CSNK1D: variants seen among roughly 807,000 people sequenced by gnomAD.
CSNK1D encodes casein kinase I isoform delta.
A neutral mutation model predicts 46.6 loss-of-function variants in CSNK1D; 16 were observed. The observed-to-expected ratio is 0.34, with a 90% CI of 0.23 to 0.52. The LOEUF (loss-of-function observed/expected upper bound fraction) is 0.52. CSNK1D is among the 20% of genes least tolerant of loss of function. The probability of loss-of-function intolerance (pLI) is 0.95; values close to 1 mark genes in which losing one functional copy is unlikely to be tolerated. For synonymous variants in CSNK1D, 276 were observed against 228.2 expected, an observed-to-expected ratio of 1.21 and a Z score of -1.89; for missense variants, 398 against 578.4, an observed-to-expected ratio of 0.69 and a Z score of 3.20.
In CSNK1D at chr17:82,249,537, G is replaced by A. The variant is rs1310228538; in HGVS notation, c.951C>T (p.His317=). 1.9e-6 allele frequency: 3 copies of A among 1,546,696 alleles called. No homozygotes were observed. Among genetic ancestry groups the A allele is most frequent in the African/African-American group, 2.7e-5 (2 of 73,392 alleles). Reference sequence around the variant, plus strand: ...GGCCGCGGGTAGCCGGGTTCCGCGAGTGTCTCAGCCGCTCCTCTCGGTCCC... The same window carrying A: ...GGCCGCGGGTAGCCGGGTTCCGCGAATGTCTCAGCCGCTCCTCTCGGTCCC... ...ERRDREERLR[H]SRNPATRGLP... Residue 317 remains histidine (H), a synonymous_variant, in exon 7 of 9, where the codon CAC becomes CAT. Coordinates refer to ENST00000314028, the MANE Select transcript of CSNK1D (RefSeq NM_001893.6). The surrounding 1 kb of genome is among the most constrained non-coding windows in gnomAD (Gnocchi z 6.7).
chr17:82,248,633 G>A lies in CSNK1D; in HGVS notation c.1197+242C>T. ...GCCCCCACGGTTTGCTGGCCTCAGG[G>A]ACCTGAGACCTGAGACTGGCCACCT... On this transcript the variant is annotated intron_variant, in intron 8 of 8. Transcript: ENST00000314028. The surrounding 1 kb of genome is among the most constrained non-coding windows in gnomAD (Gnocchi z 4.1). The A allele has an allele frequency of 1.5e-6, 2 of 1,370,256 alleles. No homozygotes were observed. The highest frequency in any genetic ancestry group is 1.9e-6 in the Non-Finnish European group (2 of 1,058,958). 84.9% of individuals were successfully genotyped at this position (1,370,256 alleles called of 1,614,324 possible).
At position 82,249,739 on chromosome 17, in the gene CSNK1D, G is replaced by A; in HGVS notation, c.886-137C>T. On this transcript the variant is annotated intron_variant, in intron 6 of 8. Coordinates refer to ENST00000314028, the MANE Select transcript of CSNK1D (RefSeq NM_001893.6). The surrounding 1 kb of genome is among the most constrained non-coding windows in gnomAD (Gnocchi z 6.7). ...GAGACTGCCTGCAAAGCCCCCCACA[G>A]GCTGCACGTTTCTCCTCATGGGATG... 3 of 1,504,038 alleles carry A rather than the reference G, an allele frequency of 2.0e-6. No individual in the cohort carries two copies. The highest frequency in any genetic ancestry group is 2.8e-5 in the African/African-American group (2 of 72,528). The allele number at this position is 1,504,038 out of a possible 1,614,324, so 93.2% of individuals were successfully genotyped here.
At position 82,251,206 on chromosome 17, in the gene CSNK1D, T is replaced by C. The variant is rs1043589622; in HGVS notation, c.885+173A>G. 2.8e-6 allele frequency: 2 copies of C among 722,540 alleles called. No homozygotes were observed. The highest frequency in any genetic ancestry group is 4.6e-6 in the Non-Finnish European group (2 of 430,150). The allele number at this position is 722,540 out of a possible 1,614,324, so 44.8% of individuals were successfully genotyped here. On this transcript the variant is annotated intron_variant, in intron 6 of 8. Transcript: ENST00000314028. This position sits in a 1 kb window ranked among gnomAD's most constrained non-coding sequence, Gnocchi z 4.5. Reference sequence around the variant, plus strand: ...GGCGTCTTACTTCTTGGCACCCCTTTCTGGCAGGCAGACACCCACTCAGTC... The same window carrying C: ...GGCGTCTTACTTCTTGGCACCCCTTCCTGGCAGGCAGACACCCACTCAGTC...
At chr17:82,258,186 G>A (rs1599601762) in intron 2 of CSNK1D, among the ~76,000 whole-genome samples, 1 of 131,530 alleles carries the variant, frequency 7.6e-6, no homozygotes, top group Non-Finnish European at 1.5e-5. Context: ...CAGCCTGGGT[G>A]ACAGAATGAG....
chr17:82,273,393 C>A lies in CSNK1D; in HGVS notation c.-12G>T, dbSNP rs775909021. ...ACTCTCAGCTCCATGGCGGCGGCGG[C>A]CCGATTCGCTCCTGCCCTCCCGGCC... On this transcript the variant is annotated 5_prime_UTR_variant, in exon 1 of 9. Coordinates refer to ENST00000314028, the MANE Select transcript of CSNK1D (RefSeq NM_001893.6). This position sits in a 1 kb window ranked among gnomAD's most constrained non-coding sequence, Gnocchi z 5.1. 6.2e-7 allele frequency: 1 copy of A among 1,610,564 alleles called. No homozygotes were observed.
At chr17:82,254,107 C>T (rs376238114) in intron 3 of CSNK1D, 6 of 98,904 alleles carry the variant, frequency 6.1e-5, no homozygotes, top group South Asian at 9.4e-5. Flanking sequence ...AGCCTCGAGA[C>T]GCCAGTGAGC....
rs2051700727 is a variant in CSNK1D at position 82,273,607 on chromosome 17, T to C, written c.-226A>G. The C allele has an allele frequency of 1.7e-6, 1 of 576,994 alleles. No individual in the cohort carries two copies. Among genetic ancestry groups the C allele is most frequent in the South Asian group, 2.1e-5 (1 of 46,720 alleles). The allele number at this position is 576,994 out of a possible 1,614,324, so 35.7% of individuals were successfully genotyped here. On this transcript the variant is annotated 5_prime_UTR_variant, in exon 1 of 9. Transcript: ENST00000314028. The surrounding 1 kb of genome is among the most constrained non-coding windows in gnomAD (Gnocchi z 5.1). ...CCGCCGCTGCTCCGGCCCCTACCGG[T>C]CCCGCTTGCCCTCTCCCCGCCGCGG...
intron 2 of CSNK1D, among the ~76,000 whole-genome samples, chr17:82,263,505 AG>A (rs2051391659): frequency 6.6e-6 from 1 of 152,234 alleles, no homozygotes; most frequent in Non-Finnish European, 1.5e-5. Context: ...AACTAGGGGC[AG>A]GGGTGCTGCC....
chr17:82,246,667 T>A (rs2050858328), intron 8 of CSNK1D: 2 of 996,498 alleles, frequency 2.0e-6, no homozygotes, highest in Non-Finnish European at 2.4e-6. Context: ...GGGGCCTCTG[T>A]GACCTACAGG....
chr17:82,252,490 CT>C lies in CSNK1D; in HGVS notation c.679del (p.Arg227GlyfsTer26). ...GGTGGACATTTTCTTCTCGCTAATC[CT>C]TTCGTATTTCTGTCTCTTGGTGGCA... Reference protein sequence around the residue: ...KAATKRQKYERISEKKMSTPI... With the variant: ...KAATKRQKYEXISEKKMSTPI... On this transcript the variant is annotated frameshift_variant, in exon 5 of 9. Coordinates refer to ENST00000314028, the MANE Select transcript of CSNK1D (RefSeq NM_001893.6). LOFTEE classifies it high-confidence loss of function. This position sits in a 1 kb window ranked among gnomAD's most constrained non-coding sequence, Gnocchi z 4.6. 6.2e-7 allele frequency: 1 copy of C among 1,614,134 alleles called. No homozygotes were observed. Among genetic ancestry groups the C allele is most frequent in the South Asian group, 1.1e-5 (1 of 91,082 alleles).
chr17:82,252,928 C>T lies in CSNK1D; in HGVS notation c.565+88G>A. On this transcript the variant is annotated intron_variant, in intron 4 of 8. Coordinates refer to ENST00000314028, the MANE Select transcript of CSNK1D (RefSeq NM_001893.6). This position sits in a 1 kb window ranked among gnomAD's most constrained non-coding sequence, Gnocchi z 4.6. The stretch of plus-strand genomic sequence containing the variant: ...TCTGATGACACGCTTGCAGCCCCAG[C>T]TCCCCGAGAGGCTGGCCTCTCCCTG... The T allele has an allele frequency of 8.1e-7, 1 of 1,238,772 alleles. No homozygotes were observed. The highest frequency in any genetic ancestry group is 1.2e-6 in the Non-Finnish European group (1 of 855,098). The allele number at this position is 1,238,772 out of a possible 1,614,324, so 76.7% of individuals were successfully genotyped here. A position where few individuals can be genotyped will look rare whatever the true frequency, so the allele number is the denominator to read the frequency against.
At position 82,244,007 on chromosome 17, in the gene CSNK1D, G is replaced by GC. The variant is rs995889409; in HGVS notation, c.*773dup. ...GCCTGGTAACACCCACTGCACCCCTGCCCCGCGGCAGCCTGCGGTCCCTAA... is the reference window on the plus strand; with the variant it reads ...GCCTGGTAACACCCACTGCACCCCTGCCCCCGCGGCAGCCTGCGGTCCCTAA... On this transcript the variant is annotated 3_prime_UTR_variant, in exon 9 of 9. Coordinates refer to ENST00000314028, the MANE Select transcript of CSNK1D (RefSeq NM_001893.6). 1.0e-6 allele frequency: 1 copy of GC among 987,084 alleles called. No individual in the cohort carries two copies. The highest frequency in any genetic ancestry group is 1.2e-6 in the Non-Finnish European group (1 of 831,146). The allele number at this position is 987,084 out of a possible 1,614,324, so 61.1% of individuals were successfully genotyped here.
At chr17:82,240,456 C>T (rs1306633836), downstream of CSNK1D, among the ~76,000 whole-genome samples, 1 of 152,214 alleles carries the variant, frequency 6.6e-6, no homozygotes, top group Non-Finnish European at 1.5e-5. Flanking sequence ...CGCCTCTGGA[C>T]CTGGCTGTCC....
rs1304138741 is a variant in CSNK1D, at chr17:82,273,394, C to T, written c.-13G>A. 3 of 1,610,406 alleles carry T rather than the reference C, an allele frequency of 1.9e-6. No individual in the cohort carries two copies. Among genetic ancestry groups the T allele is most frequent in the Non-Finnish European group, 2.5e-6 (3 of 1,179,254 alleles). Reference sequence around the variant, plus strand: ...CTCTCAGCTCCATGGCGGCGGCGGCCCGATTCGCTCCTGCCCTCCCGGCCG... The same window carrying T: ...CTCTCAGCTCCATGGCGGCGGCGGCTCGATTCGCTCCTGCCCTCCCGGCCG... On this transcript the variant is annotated 5_prime_UTR_variant, in exon 1 of 9. Coordinates refer to ENST00000314028, the MANE Select transcript of CSNK1D (RefSeq NM_001893.6). This position sits in a 1 kb window ranked among gnomAD's most constrained non-coding sequence, Gnocchi z 5.1.
chr17:82,270,904 C>T (rs768936958), intron 1 of CSNK1D, among the ~76,000 whole-genome samples: 2 of 152,270 alleles, frequency 1.3e-5, no homozygotes, highest in African/African-American at 4.8e-5. Flanking sequence ...GTATGCCCAG[C>T]GCGAGGTGAG....
chr17:82,266,390 G>T (rs1399730745), intron 1 of CSNK1D, among the ~76,000 whole-genome samples: 1 of 152,234 alleles, frequency 6.6e-6, no homozygotes, highest in Non-Finnish European at 1.5e-5. Flanking sequence ...AAAGCCAGAA[G>T]AATCGCCTGT....
downstream of CSNK1D, among the ~76,000 whole-genome samples, chr17:82,241,067 T>C (rs2050735600): frequency 6.6e-6 from 1 of 152,002 alleles, no homozygotes; most frequent in African/African-American, 2.4e-5. Context: ...GTCTACCGTG[T>C]TGTGAAGATC....
chr17:82,245,624 C>T (rs965203439), intron 8 of CSNK1D: 2 of 351,174 alleles, frequency 5.7e-6, no homozygotes, highest in African/African-American at 4.2e-5. Context: ...GCAGACAAGG[C>T]AACTCAAGTG....
In CSNK1D at chr17:82,256,831, C is replaced by CT. The variant is rs1190767099; in HGVS notation, c.188-1255dup. ...TGGATCCGCAACTATACACATGGCT[C>CT]TACACACATACGGCTTGTGAACGGC... On this transcript the variant is annotated intron_variant, in intron 2 of 8. Transcript: ENST00000314028. Among the ~76,000 whole-genome samples the CT allele has an allele frequency of 3.9e-5, 6 of 152,168 alleles. No homozygotes were observed. The East Asian group carries it at 1.2e-3, about 29-fold the overall frequency.
Sources: allele counts gnomAD v4.1 joint callset (sites outside exome capture counted in the v4.1 genomes callset), GRCh38; gene constraint gnomAD v4.1.1; non-coding constraint Gnocchi (gnomAD v3.1); transcripts MANE v1.5; gene names NCBI Gene and HGNC (gene_info 2026-07-23, HGNC 2026-07-21).